Variants in FGGY observed in about 807,000 individuals in gnomAD.
The protein encoded by FGGY is FGGY carbohydrate kinase domain-containing protein.
FGGY carries 72 observed loss-of-function variants against 71.3 expected under a neutral mutation model. The observed-to-expected ratio is 1.01, with a 90% CI of 0.84 to 1.23. The LOEUF (loss-of-function observed/expected upper bound fraction) is 1.23. Ranked by LOEUF, FGGY falls within the 50% of genes most tolerant of loss-of-function variation. The probability of loss-of-function intolerance (pLI) is 0.00; values close to 1 mark genes in which losing one functional copy is unlikely to be tolerated. For synonymous variants in FGGY, 251 were observed against 250.3 expected, an observed-to-expected ratio of 1.00 and a Z score of -0.02; for missense variants, 668 against 682.3, an observed-to-expected ratio of 0.98 and a Z score of 0.23.
intron 5 of FGGY, among the ~76,000 whole-genome samples, chr1:59,431,899 A>G (rs1156583982): frequency 6.6e-6 from 1 of 152,072 alleles, no homozygotes; most frequent in Non-Finnish European, 1.5e-5. Flanking sequence ...TTCCTAAGCG[A>G]TAGAGCATCT....
At chr1:59,577,175 G>A (rs888180752) in intron 8 of FGGY, among the ~76,000 whole-genome samples, 2 of 152,162 alleles carry the variant, frequency 1.3e-5, no homozygotes, top group African/African-American at 4.8e-5. Flanking sequence ...GACATATGAA[G>A]GAATAAATGA....
chr1:59,322,476 A>C (rs1365228984), intron 2 of FGGY, among the ~76,000 whole-genome samples: 1 of 152,104 alleles, frequency 6.6e-6, no homozygotes, highest in South Asian at 2.1e-4. Flanking sequence ...CCAAAGTCCA[A>C]TTGTATCATT....
chr1:59,762,416 A>G, intron 15 of FGGY, 87 bp from the exon 16 acceptor site: 5 of 969,582 alleles, frequency 5.2e-6, no homozygotes, highest in East Asian at 2.6e-5. Context: ...ACCACCACAC[A>G]TATATTTCCA....
chr1:59,371,213 T>C (rs889113440), intron 4 of FGGY, among the ~76,000 whole-genome samples: 4 of 151,952 alleles, frequency 2.6e-5, no homozygotes, highest in African/African-American at 9.7e-5. Flanking sequence ...TGGAGGAAGA[T>C]CTACCAAGCA....
chr1:59,509,304 TTC>T (rs1162891731), intron 6 of FGGY, among the ~76,000 whole-genome samples: 1 of 152,202 alleles, frequency 6.6e-6, no homozygotes, highest in African/African-American at 2.4e-5. Context: ...GATCCTTATA[TTC>T]TCTCTCTTTC....
chr1:59,364,158 G>A (rs761991631), intron 4 of FGGY, among the ~76,000 whole-genome samples: 4 of 152,246 alleles, frequency 2.6e-5, no homozygotes, highest in African/African-American at 7.2e-5. Flanking sequence ...GTCCCAGAGC[G>A]CTCAACATTT....
upstream of FGGY, chr1:59,296,810 G>T (rs1439087008): frequency 6.5e-6 from 1 of 152,844 alleles, no homozygotes; most frequent in Non-Finnish European, 1.5e-5. Flanking sequence ...CGGGGCTGTA[G>T]CCGCCCCGGG....
chr1:59,539,131 A>G (rs1357742015), intron 7 of FGGY, among the ~76,000 whole-genome samples: 3 of 152,192 alleles, frequency 2.0e-5, no homozygotes, highest in East Asian at 1.9e-4. Flanking sequence ...AGAAGTCATA[A>G]ATAAATCGAG....
At chr1:59,468,307 C>G (rs1057484851) in intron 6 of FGGY, among the ~76,000 whole-genome samples, 4 of 152,192 alleles carry the variant, frequency 2.6e-5, no homozygotes, top group Admixed American at 6.5e-5. Context: ...TCAGTGTTCA[C>G]TGTCATCTTT....
intron 5 of FGGY, among the ~76,000 whole-genome samples, chr1:59,414,104 ATTTG>A (rs1403158717): frequency 1.3e-5 from 2 of 152,212 alleles, no homozygotes; most frequent in African/African-American, 4.8e-5. Flanking sequence ...CTGTTTTGAC[ATTTG>A]TTTGTACTAG....
At chr1:59,407,452 C>CT (rs936795519) in intron 5 of FGGY, among the ~76,000 whole-genome samples, 1 of 152,166 alleles carries the variant, frequency 6.6e-6, no homozygotes, top group African/African-American at 2.4e-5. Flanking sequence ...GATTAAGCAG[C>CT]TAAGATGCCA....
In FGGY at chr1:59,722,946, G is replaced by A. The variant is rs146215865; in HGVS notation, c.1513-34985G>A. Reference sequence around the variant, plus strand: ...CGAGTAGCTGGGACTACAGGCACCCGCCACCATGCCCGGCTAATTTTTTTG... The same window carrying A: ...CGAGTAGCTGGGACTACAGGCACCCACCACCATGCCCGGCTAATTTTTTTG... On this transcript the variant is annotated intron_variant, in intron 14 of 15. Coordinates refer to ENST00000303721, the MANE Select transcript of FGGY (RefSeq NM_018291.5). 7.4e-3 allele frequency among the ~76,000 whole-genome samples: 1,126 copies of A among 152,214 alleles called. 8 individuals are homozygous for A. The highest frequency in any genetic ancestry group is 0.025 in the African/African-American group (1,040 of 41,542).
chr1:59,517,296 C>T (rs1394939071), intron 7 of FGGY, among the ~76,000 whole-genome samples: 4 of 117,150 alleles, frequency 3.4e-5, no homozygotes, highest in Non-Finnish European at 4.9e-5. Context: ...GACGGAGTCT[C>T]GCTCTGTCGC....
chr1:59,511,785 A>C (rs766061856), intron 6 of FGGY, among the ~76,000 whole-genome samples: 23 of 152,228 alleles, frequency 1.5e-4, no homozygotes, highest in Non-Finnish European at 2.1e-4. Context: ...TCCAGCTGAG[A>C]AAAACTTTTT....
intron 9 of FGGY, among the ~76,000 whole-genome samples, chr1:59,619,683 T>C (rs2096789862): frequency 6.6e-6 from 1 of 152,084 alleles, no homozygotes; most frequent in African/African-American, 2.4e-5. Context: ...TCTACATTAT[T>C]GGCCACAGTA....
At chr1:59,366,279 A>G (rs1289972415) in intron 4 of FGGY, among the ~76,000 whole-genome samples, 2 of 152,220 alleles carry the variant, frequency 1.3e-5, no homozygotes, top group East Asian at 1.9e-4. Flanking sequence ...AATAAATTCT[A>G]TGATGTTACC....
chr1:59,326,363 G>A (rs536219611), intron 2 of FGGY, among the ~76,000 whole-genome samples: 1 of 152,208 alleles, frequency 6.6e-6, no homozygotes, highest in Non-Finnish European at 1.5e-5. Flanking sequence ...GTTGTGGGGA[G>A]GGGGACAGAA....
intron 8 of FGGY, among the ~76,000 whole-genome samples, chr1:59,584,089 G>C (rs1288484287): frequency 4.7e-5 from 7 of 149,822 alleles, no homozygotes; most frequent in African/African-American, 1.8e-4. Flanking sequence ...AGAGGTACAA[G>C]GAGGAATTGG....
intron 8 of FGGY, among the ~76,000 whole-genome samples, chr1:59,590,860 TC>T (rs1224786769): frequency 6.6e-6 from 1 of 152,130 alleles, no homozygotes; most frequent in Non-Finnish European, 1.5e-5. Flanking sequence ...CTGGAAGCAT[TC>T]CCTTTGAAAA....
Sources: gnomAD v4.1 joint callset for allele counts (sites outside exome capture counted in the v4.1 genomes callset) on GRCh38, gnomAD v4.1.1 for gene constraint, MANE v1.5 for transcripts, NCBI Gene and HGNC (gene_info 2026-07-23, HGNC 2026-07-21) for gene names.